Variants in EDEM1 observed in about 807,000 individuals in gnomAD.
EDEM1 encodes the protein ER degradation enhancing alpha-mannosidase like protein 1.
EDEM1 carries 67 observed loss-of-function variants against 74.4 expected under a neutral mutation model. That is an observed-to-expected ratio of 0.90 (90% CI 0.74 to 1.10). The LOEUF (loss-of-function observed/expected upper bound fraction) is 1.10. Among genes scored for constraint, EDEM1 ranks in the 50% least tolerant of loss-of-function variants. The probability of loss-of-function intolerance (pLI) is 0.00; values close to 1 mark genes in which losing one functional copy is unlikely to be tolerated. For synonymous variants in EDEM1, 382 were observed against 335.9 expected (o/e 1.14, Z -1.50); for missense variants, 926 against 851.6 (o/e 1.09, Z -1.09).
In EDEM1 at chr3:5,187,853, C is replaced by T. The variant is rs201115897; in HGVS notation, c.48C>T (p.Gly16=). Residue 16 remains glycine (G), a synonymous_variant, in exon 1 of 12, where the codon GGC becomes GGT. Transcript: ENST00000256497. ...TGGGGCTGGTGCTCCTCCGGCTTGG[C>T]CTCCATGGAGTATTGTGGCTCGTCT... ...LVLGLVLLRL[G]LHGVLWLVFG... The T allele has an allele frequency of 6.6e-5, 105 of 1,595,552 alleles. No individual in the cohort carries two copies. Among genetic ancestry groups the T allele is most frequent in the Non-Finnish European group, 8.5e-5 (100 of 1,172,392 alleles).
chr3:5,203,544 A>G (rs2055058901), intron 5 of EDEM1, among the ~76,000 whole-genome samples: 1 of 152,204 alleles, frequency 6.6e-6, no homozygotes, highest in South Asian at 2.1e-4. Flanking sequence ...TAGTAGATTG[A>G]AAGTCCAGAT....
At chr3:5,211,331 C>A in intron 10 of EDEM1, 115 bp downstream of exon 10, 1 of 1,003,728 alleles carries the variant, frequency 1.0e-6, no homozygotes, top group Non-Finnish European at 1.5e-6. Context: ...GGACATTGTG[C>A]ATTCCCAGGA....
rs111739050 is a variant in EDEM1, at chr3:5,215,422, C to T, written c.1885-407C>T. The stretch of plus-strand genomic sequence containing the variant: ...CAGAAATGTTTTCTGAAATTCTGGG[C>T]GGACTAAGGACCCCAGGGATGTGGC... On this transcript the variant is annotated intron_variant, in intron 11 of 11. Transcript: ENST00000256497. Among the ~76,000 whole-genome samples, 625 of 152,254 alleles carry T rather than the reference C, an allele frequency of 4.1e-3. 6 individuals are homozygous for T. Among genetic ancestry groups the T allele is most frequent in the African/African-American group, 0.013 (543 of 41,530 alleles).
chr3:5,211,360 C>A (rs1161492739), intron 10 of EDEM1, 144 bp downstream of exon 10: 10 of 739,250 alleles, frequency 1.4e-5, no homozygotes. Context: ...CTGTCAGAAC[C>A]AAAGGATATT....
Position 5,205,320 on chromosome 3 carries a change from A to G in EDEM1, c.1217+79A>G, listed in dbSNP as rs1025551368. The G allele has an allele frequency of 5.7e-6, 8 of 1,413,998 alleles. No homozygotes were observed. The African/African-American group carries it at 1.1e-4, about 20-fold the overall frequency. 87.6% of individuals were successfully genotyped at this position (1,413,998 alleles called of 1,614,324 possible). A position where few individuals can be genotyped will look rare whatever the true frequency, so the allele number is the denominator to read the frequency against. ...CTGAAGCGTTTGTATTTTTTTTAAC[A>G]CACAATCACAGGGTCTGTTTATCTC... On this transcript the variant is annotated intron_variant, in intron 6 of 11. Transcript: ENST00000256497.
At chr3:5,196,436 A>G (rs1034366107) in intron 2 of EDEM1, among the ~76,000 whole-genome samples, 2 of 147,574 alleles carry the variant, frequency 1.4e-5, no homozygotes, top group Non-Finnish European at 3.0e-5. Context: ...TAGCCTGGGC[A>G]ACAGAGTGAG....
chr3:5,194,786 G>A (rs941581078), intron 1 of EDEM1, among the ~76,000 whole-genome samples: 9 of 152,200 alleles, frequency 5.9e-5, no homozygotes, highest in African/African-American at 1.7e-4. Context: ...TGTAATATAG[G>A]CTGTGGTGTC....
In EDEM1 at chr3:5,216,269, C is replaced by T. The variant is rs2055234271; in HGVS notation, c.*351C>T. ...CTTCACTTTGCTGGCACCTGCTATA[C>T]TGGAGTATTGCTATGTCTTTAAAAA... On this transcript the variant is annotated 3_prime_UTR_variant, in exon 12 of 12. Transcript: ENST00000256497. The T allele has an allele frequency of 4.5e-6, 1 of 223,782 alleles. No homozygotes were observed. Among genetic ancestry groups the T allele is most frequent in the Admixed American group, 5.8e-5 (1 of 17,374 alleles). The allele number at this position is 223,782 out of a possible 1,614,324, so 13.9% of individuals were successfully genotyped here. A position where few individuals can be genotyped will look rare whatever the true frequency, so the allele number is the denominator to read the frequency against.
At chr3:5,211,396 C>T (rs2055166014) in intron 10 of EDEM1, 180 bp downstream of exon 10, 1 of 593,248 alleles carries the variant, frequency 1.7e-6, no homozygotes, top group South Asian at 2.0e-5. Context: ...GGTTTCCAAC[C>T]TTGTTGAAAA....
rs1356313018 is a variant in EDEM1 at position 5,205,052 on chromosome 3, T to C, written c.1043-15T>C. ...GAGACAGCTGGGACCTCAAGTGCCT[T>C]GTTTATTTTTGCAGGCAATGTCGTG... On this transcript the variant is annotated splice_polypyrimidine_tract_variant and intron_variant, in intron 5 of 11. Coordinates refer to ENST00000256497, the MANE Select transcript of EDEM1 (RefSeq NM_014674.3). 1 of 1,612,626 alleles carries C rather than the reference T, an allele frequency of 6.2e-7. No individual in the cohort carries two copies. The highest frequency in any genetic ancestry group is 1.1e-5 in the South Asian group (1 of 90,992).
At chr3:5,210,096 C>T in intron 8 of EDEM1, 79 bp from the exon 9 acceptor site, 2 of 1,274,860 alleles carry the variant, frequency 1.6e-6, no homozygotes, top group Admixed American at 1.7e-5. Context: ...CATGGGGAAG[C>T]CCCGCAGTCA....
Position 5,215,861 on chromosome 3 carries a change from C to G in EDEM1, c.1917C>G (p.Ser639=). 1 of 1,612,946 alleles carries G rather than the reference C, an allele frequency of 6.2e-7. No individual in the cohort carries two copies. Among genetic ancestry groups the G allele is most frequent in the East Asian group, 2.2e-5 (1 of 44,790 alleles). Residue 639 remains serine, a synonymous_variant, in exon 12 of 12, where the codon TCC becomes TCG. Coordinates refer to ENST00000256497, the MANE Select transcript of EDEM1 (RefSeq NM_014674.3). The part of the protein sequence containing the change: ...CNRVPDERRY[S]LPLKSIYMRQ... Reference sequence around the variant, plus strand: ...GTGTACCTGATGAGAGGAGGTACTCCCTGCCCTTAAAGAGCATCTACATGC... The same window carrying G: ...GTGTACCTGATGAGAGGAGGTACTCGCTGCCCTTAAAGAGCATCTACATGC...
Position 5,217,115 on chromosome 3 carries a change from C to T in EDEM1, c.*1197C>T, listed in dbSNP as rs1359244697. Reference sequence around the variant, plus strand: ...GGCCTGTTTAGCCACATGGTGAGACCGTGGTGAAAGGGGGATGGAAATTGC... The same window carrying T: ...GGCCTGTTTAGCCACATGGTGAGACTGTGGTGAAAGGGGGATGGAAATTGC... On this transcript the variant is annotated 3_prime_UTR_variant, in exon 12 of 12. Coordinates refer to ENST00000256497, the MANE Select transcript of EDEM1 (RefSeq NM_014674.3). The T allele has an allele frequency of 1.3e-5, 2 of 152,592 alleles. No individual in the cohort carries two copies. The highest frequency in any genetic ancestry group is 2.1e-4 in the South Asian group (1 of 4,822). 9.5% of individuals were successfully genotyped at this position (152,592 alleles called of 1,614,324 possible). A position where few individuals can be genotyped will look rare whatever the true frequency, so the allele number is the denominator to read the frequency against.
At chr3:5,188,430 C>T in intron 1 of EDEM1, 116 bp downstream of exon 1, 1 of 1,168,170 alleles carries the variant, frequency 8.6e-7, no homozygotes, top group Non-Finnish European at 1.1e-6. Context: ...CGTTAGGGTC[C>T]CGGGCAGCGC....
At chr3:5,208,003 G>A in intron 7 of EDEM1, 90 bp from the exon 8 acceptor site, 2 of 1,441,994 alleles carry the variant, frequency 1.4e-6, no homozygotes, top group Admixed American at 2.5e-5. Flanking sequence ...AGAACTCGGG[G>A]GCAGAGGAGA....
Position 5,191,906 on chromosome 3 carries a change from C to G in EDEM1, c.510-3303C>G, listed in dbSNP as rs563931942. On this transcript the variant is annotated intron_variant, in intron 1 of 11. Coordinates refer to ENST00000256497, the MANE Select transcript of EDEM1 (RefSeq NM_014674.3). ...TTTTTGTAATCCTGTGAATGGTTAACTGTAGTTCTGGCTTTTGGGCATGTG... is the reference window on the plus strand; with the variant it reads ...TTTTTGTAATCCTGTGAATGGTTAAGTGTAGTTCTGGCTTTTGGGCATGTG... 3.3e-5 allele frequency among the ~76,000 whole-genome samples: 5 copies of G among 152,360 alleles called. No homozygotes were observed. In the South Asian group the frequency reaches 1.0e-3, roughly 32 times the overall value.
At chr3:5,193,842 C>T (rs888766718) in intron 1 of EDEM1, among the ~76,000 whole-genome samples, 4 of 152,196 alleles carry the variant, frequency 2.6e-5, no homozygotes, top group Non-Finnish European at 2.9e-5. Flanking sequence ...GGATGATCCA[C>T]CCACCTCGGC....
chr3:5,207,832 C>T lies in EDEM1; in HGVS notation c.1339-261C>T, dbSNP rs1559298873. ...TGTGTGAGATTTTTGGATAATCCATCGCTCAGTTGTTTATTCCTTGTTCAT... is the reference window on the plus strand; with the variant it reads ...TGTGTGAGATTTTTGGATAATCCATTGCTCAGTTGTTTATTCCTTGTTCAT... On this transcript the variant is annotated intron_variant, in intron 7 of 11. Coordinates refer to ENST00000256497, the MANE Select transcript of EDEM1 (RefSeq NM_014674.3). Among the ~76,000 whole-genome samples, 3 of 152,160 alleles carry T rather than the reference C, an allele frequency of 2.0e-5. No individual in the cohort carries two copies. In the South Asian group the frequency reaches 6.2e-4, roughly 31 times the overall value.
At chr3:5,195,332 A>C in intron 2 of EDEM1, 51 bp downstream of exon 2, 1 of 1,227,224 alleles carries the variant, frequency 8.1e-7, no homozygotes, top group Non-Finnish European at 1.1e-6. Flanking sequence ...TTTAGAGTTG[A>C]TTATCCCTAG....
Sources: gnomAD v4.1 joint callset for allele counts (sites outside exome capture counted in the v4.1 genomes callset) on GRCh38, gnomAD v4.1.1 for gene constraint, MANE v1.5 for transcripts, NCBI Gene and HGNC (gene_info 2026-07-23, HGNC 2026-07-21) for gene names.